Variants in GLIS3 observed in about 807,000 individuals in gnomAD.
The protein encoded by GLIS3 is GLIS family zinc finger 3, also known as zinc finger protein GLIS3.
GLIS3 carries 53 observed loss-of-function variants against 78.6 expected under a neutral mutation model. That is an observed-to-expected ratio of 0.67 (90% CI 0.54 to 0.85). The LOEUF (loss-of-function observed/expected upper bound fraction) is 0.85. GLIS3 is among the 40% of genes least tolerant of loss of function. The probability of loss-of-function intolerance (pLI) is 0.00; values close to 1 mark genes in which losing one functional copy is unlikely to be tolerated. For synonymous variants in GLIS3, 684 were observed against 509.9 expected, an observed-to-expected ratio of 1.34 and a Z score of -4.60; for missense variants, 1,703 against 1,231.1, an observed-to-expected ratio of 1.38 and a Z score of -5.74.
At chr9:3,929,937 G>A (rs1049914233) in intron 6 of GLIS3, among the ~76,000 whole-genome samples, 2 of 151,990 alleles carry the variant, frequency 1.3e-5, no homozygotes, top group Non-Finnish European at 2.9e-5. Flanking sequence ...ATGTGAGTGA[G>A]CAATTAGAAT....
the GLIS3 span, among the ~76,000 whole-genome samples, chr9:4,446,671 G>A: frequency 9.1e-5 from 12 of 131,886 alleles, no homozygotes; most frequent in African/African-American, 2.8e-4. Flanking sequence ...CACCATGCCC[G>A]GCTAATTTTT....
At chr9:4,338,024 CTGTGTG>C (rs74777663) in intron 2 of GLIS3, among the ~76,000 whole-genome samples, 1,811 of 139,046 alleles carry the variant, frequency 0.013, 43 homozygotes, top group African/African-American at 0.049. Context: ...ATTGGCAAGG[CTGTGTG>C]TGTGTGTGTG....
At chr9:3,946,471 C>G (rs1164647599) in intron 4 of GLIS3, among the ~76,000 whole-genome samples, 1 of 152,192 alleles carries the variant, frequency 6.6e-6, no homozygotes, top group African/African-American at 2.4e-5. Flanking sequence ...ATGGTCAACA[C>G]TGCAAAAGCT....
At position 3,960,013 on chromosome 9, in the gene GLIS3, A is replaced by G. The variant is rs1425823825; in HGVS notation, c.1711-22824T>C. Among the ~76,000 whole-genome samples, 6 of 152,200 alleles carry G rather than the reference A, an allele frequency of 3.9e-5. No individual in the cohort carries two copies. The East Asian group carries it at 9.6e-4, about 24-fold the overall frequency. ...CTGAAAATACAAAAATTAGCCAGGC[A>G]TGGTGGTGTGCACCTGTAATCTCAG... On this transcript the variant is annotated intron_variant, in intron 4 of 10. Coordinates refer to ENST00000381971, the MANE Select transcript of GLIS3 (RefSeq NM_001042413.2).
At chr9:4,113,563 A>C (rs544979057) in intron 4 of GLIS3, among the ~76,000 whole-genome samples, 3 of 152,218 alleles carry the variant, frequency 2.0e-5, no homozygotes, top group Non-Finnish European at 4.4e-5. Flanking sequence ...TTATGCTTAC[A>C]TGATATTTTC....
At chr9:4,037,335 C>A (rs908406507) in intron 4 of GLIS3, among the ~76,000 whole-genome samples, 4 of 152,128 alleles carry the variant, frequency 2.6e-5, no homozygotes, top group East Asian at 1.9e-4. Context: ...ATTACTAACC[C>A]CTCCGTGCCT....
chr9:3,898,647 T>TA (rs1033764529), intron 7 of GLIS3, 44 bp downstream of exon 7: 9 of 1,613,276 alleles, frequency 5.6e-6, no homozygotes, highest in South Asian at 2.2e-5. Flanking sequence ...GTAAAAGGCC[T>TA]AAAAAAGGGT....
chr9:4,030,632 C>G (rs138470155), intron 4 of GLIS3, among the ~76,000 whole-genome samples: 6 of 152,280 alleles, frequency 3.9e-5, no homozygotes, highest in Admixed American at 2.0e-4. Flanking sequence ...AACTTTCATT[C>G]TTCTGCGTAT....
At chr9:4,105,000 C>G (rs1015841145) in intron 4 of GLIS3, among the ~76,000 whole-genome samples, 2 of 152,178 alleles carry the variant, frequency 1.3e-5, no homozygotes, top group Non-Finnish European at 2.9e-5. Flanking sequence ...AGAGAACATG[C>G]ACACCTATAA....
chr9:4,140,125 A>T (rs1833698160), intron 2 of GLIS3, among the ~76,000 whole-genome samples: 1 of 152,198 alleles, frequency 6.6e-6, no homozygotes, highest in Admixed American at 6.5e-5. Context: ...GGAGTGTGAG[A>T]CCAGCCTGGA....
intron 2 of GLIS3, among the ~76,000 whole-genome samples, chr9:4,168,381 A>T (rs960378942): frequency 2.0e-5 from 3 of 152,202 alleles, no homozygotes; most frequent in Admixed American, 2.0e-4. Flanking sequence ...CATCCAAGAA[A>T]GCCCAAAGAA....
At chr9:4,053,060 G>T (rs113392042) in intron 4 of GLIS3, among the ~76,000 whole-genome samples, 3,424 of 152,178 alleles carry the variant, frequency 0.022, 127 homozygotes, top group African/African-American at 0.078. Flanking sequence ...CAATTCTCCT[G>T]CCTCAGCCTC....
chr9:4,328,915 G>A (rs975801998), intron 2 of GLIS3, among the ~76,000 whole-genome samples: 1 of 152,210 alleles, frequency 6.6e-6, no homozygotes, highest in East Asian at 1.9e-4. Context: ...TAAGATGGCA[G>A]GCTGACAGAG....
intron 6 of GLIS3, among the ~76,000 whole-genome samples, chr9:3,905,243 GC>G (rs1007591650): frequency 6.7e-6 from 1 of 148,578 alleles, no homozygotes; most frequent in African/African-American, 2.5e-5. Context: ...GTCCGCCTCG[GC>G]CTCCCAAAGT....
chr9:4,121,860 CA>C (rs1169089717), intron 3 of GLIS3, among the ~76,000 whole-genome samples: 1 of 152,160 alleles, frequency 6.6e-6, no homozygotes, highest in African/African-American at 2.4e-5. Flanking sequence ...GTTCTTCCTG[CA>C]ATAATATGTT....
At chr9:4,197,598 C>T (rs1163189754) in intron 2 of GLIS3, among the ~76,000 whole-genome samples, 2 of 152,192 alleles carry the variant, frequency 1.3e-5, no homozygotes, top group African/African-American at 2.4e-5. Flanking sequence ...GTGCCTGCTG[C>T]TGGGGAAGTG....
the GLIS3 span, among the ~76,000 whole-genome samples, chr9:4,372,087 G>A: frequency 6.6e-6 from 1 of 152,100 alleles, no homozygotes; most frequent in African/African-American, 2.4e-5. Flanking sequence ...CTGAGTAACT[G>A]CTATTGAACC....
At chr9:4,314,030 T>C (rs1411475617) in intron 2 of GLIS3, among the ~76,000 whole-genome samples, 3 of 152,226 alleles carry the variant, frequency 2.0e-5, no homozygotes, top group African/African-American at 4.8e-5. Context: ...GTTAGCCATA[T>C]TGCCTGAGTT....
At chr9:4,412,985 A>G in the GLIS3 span, among the ~76,000 whole-genome samples, 495 of 152,362 alleles carry the variant, frequency 3.2e-3, 2 homozygotes, top group Middle Eastern at 0.017. Context: ...CCTTTCTTCC[A>G]ATTACACTTA....
Sources: allele counts gnomAD v4.1 joint callset (sites outside exome capture counted in the v4.1 genomes callset), GRCh38; gene constraint gnomAD v4.1.1; transcripts MANE v1.5; gene names NCBI Gene and HGNC (gene_info 2026-07-23, HGNC 2026-07-21).